DCPH1: variants seen among roughly 807,000 people sequenced by gnomAD.
The protein encoded by DCPH1 is damage-control phosphatase 1.
the DCPH1 span, chr6:151,468,769 G>A: frequency 6.2e-7 from 1 of 1,613,472 alleles, no homozygotes; most frequent in Non-Finnish European, 8.5e-7. Context: ...GGGTAAATGG[G>A]TTTACCACAA....
chr6:151,452,565 C>T, the DCPH1 span: 1 of 1,611,794 alleles, frequency 6.2e-7, no homozygotes, highest in Non-Finnish European at 8.5e-7. Context: ...GTCCCGGCGT[C>T]TCTCTCAGGA....
chr6:151,454,362 C>A, the DCPH1 span, among the ~76,000 whole-genome samples: 1 of 152,204 alleles, frequency 6.6e-6, no homozygotes, highest in Admixed American at 6.5e-5. Flanking sequence ...AGTTTGGCTT[C>A]CATGACATAC....
At chr6:151,456,250 G>A in the DCPH1 span, among the ~76,000 whole-genome samples, 1 of 152,172 alleles carries the variant, frequency 6.6e-6, no homozygotes. Flanking sequence ...ACAATAGACT[G>A]TAAAAGAGCA....
the DCPH1 span, among the ~76,000 whole-genome samples, chr6:151,457,309 T>A: frequency 6.6e-6 from 1 of 152,220 alleles, no homozygotes; most frequent in Middle Eastern, 3.2e-3. Context: ...GTTCAGTAAA[T>A]GTTTGAATTC....
chr6:151,453,399 G>T, the DCPH1 span, among the ~76,000 whole-genome samples: 1 of 152,316 alleles, frequency 6.6e-6, no homozygotes, highest in East Asian at 1.9e-4. Context: ...TACTGCCTGG[G>T]AAAATTCAAG....
chr6:151,464,628 A>G, the DCPH1 span: 3 of 1,578,620 alleles, frequency 1.9e-6, no homozygotes. Context: ...GGTAAATGTG[A>G]TCATTAATCT....
At chr6:151,453,428 TC>T in the DCPH1 span, among the ~76,000 whole-genome samples, 1 of 152,242 alleles carries the variant, frequency 6.6e-6, no homozygotes, top group Non-Finnish European at 1.5e-5. Flanking sequence ...GATTTAATGT[TC>T]CTGCTCACCC....
At chr6:151,467,180 A>C in the DCPH1 span, among the ~76,000 whole-genome samples, 1 of 151,452 alleles carries the variant, frequency 6.6e-6, no homozygotes, top group African/African-American at 2.4e-5. Flanking sequence ...TGAACCCGTG[A>C]GGCAGAGGTG....
the DCPH1 span, chr6:151,464,447 C>T: frequency 1.3e-6 from 2 of 1,595,882 alleles, no homozygotes; most frequent in South Asian, 1.1e-5. Flanking sequence ...TTTTCTCCTA[C>T]TTTAGTCCAC....
chr6:151,458,545 G>A, the DCPH1 span: 3 of 1,610,522 alleles, frequency 1.9e-6, no homozygotes, highest in East Asian at 2.2e-5. Flanking sequence ...TACATGTATC[G>A]AAGAATTCAT....
the DCPH1 span, among the ~76,000 whole-genome samples, chr6:151,454,210 T>C: frequency 2.4e-4 from 36 of 152,218 alleles, no homozygotes; most frequent in Admixed American, 7.2e-4. Context: ...AGAGCCTGTT[T>C]GATTTCTAAG....
At chr6:151,452,722 G>C in the DCPH1 span, 2 of 896,380 alleles carry the variant, frequency 2.2e-6, no homozygotes. Flanking sequence ...TTTCCGGGGC[G>C]CCTTTGCGGG....
chr6:151,456,441 C>T, the DCPH1 span, among the ~76,000 whole-genome samples: 1 of 152,160 alleles, frequency 6.6e-6, no homozygotes, highest in Non-Finnish European at 1.5e-5. Flanking sequence ...CCTGGCATAA[C>T]ACAGGGATTA....
the DCPH1 span, chr6:151,469,638 C>G: frequency 6.5e-6 from 1 of 152,796 alleles, no homozygotes; most frequent in South Asian, 2.1e-4. Flanking sequence ...AAAGTTACCT[C>G]ATAAGTTAAT....
chr6:151,464,366 G>A, the DCPH1 span: 2 of 840,078 alleles, frequency 2.4e-6, no homozygotes. Flanking sequence ...TGATTATTGA[G>A]ACTGTATGGT....
At chr6:151,469,363 C>T in the DCPH1 span, 1 of 367,078 alleles carries the variant, frequency 2.7e-6, no homozygotes, top group Non-Finnish European at 4.8e-6. Flanking sequence ...AACTTTTTTT[C>T]AGGTTAAATA....
chr6:151,458,559 G>GCAATTATC, the DCPH1 span: 1 of 1,609,240 alleles, frequency 6.2e-7, no homozygotes, highest in Admixed American at 1.7e-5. Context: ...AATTCATGAA[G>GCAATTATC]CAATTATCCA....
chr6:151,454,363 C>T, the DCPH1 span, among the ~76,000 whole-genome samples: 25 of 152,296 alleles, frequency 1.6e-4, no homozygotes, highest in Non-Finnish European at 1.5e-5. Flanking sequence ...GTTTGGCTTC[C>T]ATGACATACC....
the DCPH1 span, chr6:151,452,551 TGTC>T: frequency 6.8e-6 from 11 of 1,611,808 alleles, no homozygotes; most frequent in Non-Finnish European, 9.3e-6. Context: ...AAGTGATGGC[TGTC>T]GTCCCGGCGT....
Sources: gnomAD v4.1 joint callset for allele counts (sites outside exome capture counted in the v4.1 genomes callset) on GRCh38, gnomAD v4.1.1 for gene constraint, MANE v1.5 for transcripts, NCBI Gene and HGNC (gene_info 2026-07-23, HGNC 2026-07-21) for gene names.